The following ASAP2 variants were observed in gnomAD, a reference collection of about 807,000 sequenced individuals.
The protein encoded by ASAP2 is arf-GAP with SH3 domain, ANK repeat and PH domain-containing protein 2.
ASAP2 carries 45 observed loss-of-function variants against 131.4 expected under a neutral mutation model. That is an observed-to-expected ratio of 0.34 (90% CI 0.27 to 0.44). ASAP2 has a LOEUF of 0.44. Ranked by LOEUF, ASAP2 falls within the 20% of genes least tolerant of loss-of-function variation. The probability of loss-of-function intolerance (pLI) is 1.00; values close to 1 mark genes in which losing one functional copy is unlikely to be tolerated. For missense variants in ASAP2, 1,011 were observed against 1,297.0 expected, an observed-to-expected ratio of 0.78 and a Z score of 3.39; for synonymous variants, 510 against 503.0, an observed-to-expected ratio of 1.01 and a Z score of -0.19.
At chr2:9,224,941 G>GT (rs1662659971) in intron 1 of ASAP2, among the ~76,000 whole-genome samples, 1 of 152,178 alleles carries the variant, frequency 6.6e-6, no homozygotes, top group Non-Finnish European at 1.5e-5. Flanking sequence ...CTTCTGTAGA[G>GT]TGGGAGTCTC....
chr2:9,368,385 T>G, intron 15 of ASAP2, 40 bp from the exon 16 acceptor site: 1 of 1,544,348 alleles, frequency 6.5e-7, no homozygotes, highest in Non-Finnish European at 9.0e-7. Flanking sequence ...TAGAATGTAT[T>G]AATAATTGAG....
chr2:9,249,998 A>G (rs1234975541), intron 1 of ASAP2, among the ~76,000 whole-genome samples: 2 of 152,240 alleles, frequency 1.3e-5, no homozygotes, highest in Non-Finnish European at 2.9e-5. Context: ...AAATCTGGGT[A>G]TACAACTCTT....
At position 9,400,724 on chromosome 2, in the gene ASAP2, T is replaced by G; in HGVS notation, c.2735-18T>G. On this transcript the variant is annotated intron_variant, in intron 25 of 27. Coordinates refer to ENST00000281419, the MANE Select transcript of ASAP2 (RefSeq NM_003887.3). Reference sequence around the variant, plus strand: ...TGATTGATGGGATGTCTTAAGCTGCTTCATTTTTGCCCTACAGTGGATCTC... The same window carrying G: ...TGATTGATGGGATGTCTTAAGCTGCGTCATTTTTGCCCTACAGTGGATCTC... 6.2e-7 allele frequency: 1 copy of G among 1,603,754 alleles called. No individual in the cohort carries two copies. The highest frequency in any genetic ancestry group is 8.5e-7 in the Non-Finnish European group (1 of 1,170,932).
At chr2:9,380,659 G>T in intron 19 of ASAP2, 82 bp from the exon 20 acceptor site, 6 of 1,324,716 alleles carry the variant, frequency 4.5e-6, no homozygotes, top group Non-Finnish European at 5.5e-6. Context: ...CTGCCTTTCT[G>T]TTCCTTTTAA....
At chr2:9,399,989 T>A in intron 24 of ASAP2, 34 bp from the exon 25 acceptor site, 2 of 1,608,796 alleles carry the variant, frequency 1.2e-6, no homozygotes, top group African/African-American at 2.7e-5. Flanking sequence ...TGCCCTCCGG[T>A]AGCAGTAAAT....
chr2:9,317,056 TCCA>T (rs890540929), intron 3 of ASAP2, among the ~76,000 whole-genome samples: 8 of 139,770 alleles, frequency 5.7e-5, no homozygotes, highest in African/African-American at 2.2e-4. Context: ...ACATCCACAC[TCCA>T]CACAACCACA....
At chr2:9,380,885 G>T (rs1674788507) in intron 20 of ASAP2, 77 bp downstream of exon 20, 3 of 1,459,910 alleles carry the variant, frequency 2.1e-6, no homozygotes, top group South Asian at 2.4e-5. Context: ...CTTGGGCAGG[G>T]TTTGCTGTGA....
rs548643524 is a variant in ASAP2, at chr2:9,247,395, G to A, written c.127-31922G>A. 3.3e-5 allele frequency among the ~76,000 whole-genome samples: 5 copies of A among 152,290 alleles called. No homozygotes were observed. In the South Asian group the frequency reaches 6.2e-4, roughly 19 times the overall value. On this transcript the variant is annotated intron_variant, in intron 1 of 27. Transcript: ENST00000281419. ...TCCCCGGTCCTCATTTGCACGAGGC[G>A]AATCAGTTTAGCAATTTGCCTGCCT... is the stretch of plus-strand genomic sequence containing the variant.
intron 3 of ASAP2, among the ~76,000 whole-genome samples, chr2:9,301,114 A>G (rs1318240669): frequency 1.3e-5 from 2 of 152,192 alleles, no homozygotes; most frequent in African/African-American, 4.8e-5. Flanking sequence ...CATCTGGCTT[A>G]TCTCATATCT....
intron 3 of ASAP2, among the ~76,000 whole-genome samples, chr2:9,314,880 G>A (rs557132675): frequency 7.6e-5 from 11 of 144,494 alleles, no homozygotes; most frequent in Admixed American, 1.4e-4. Flanking sequence ...GCGGTGAGCC[G>A]AGATCACGCC....
At position 9,207,514 on chromosome 2, in the gene ASAP2, G is replaced by C. The variant is rs1336567490; in HGVS notation, c.126+284G>C. 6.6e-6 allele frequency among the ~76,000 whole-genome samples: 1 copy of C among 151,752 alleles called. No individual in the cohort carries two copies. The highest frequency in any genetic ancestry group is 1.5e-5 in the Non-Finnish European group (1 of 67,860). On this transcript the variant is annotated intron_variant, in intron 1 of 27. Coordinates refer to ENST00000281419, the MANE Select transcript of ASAP2 (RefSeq NM_003887.3). This position sits in a 1 kb window ranked among gnomAD's most constrained non-coding sequence, Gnocchi z 4.1. The stretch of plus-strand genomic sequence containing the variant: ...CCCGCAGCGCGGCCAACTTTGTCCA[G>C]AGTCGGGGTCCGCGGCGAGCGGGGG...
chr2:9,312,192 C>G (rs2148464997), intron 3 of ASAP2, among the ~76,000 whole-genome samples: 1 of 152,346 alleles, frequency 6.6e-6, no homozygotes, highest in African/African-American at 2.4e-5. Context: ...CCATCTTCCC[C>G]TTTGCTCCAG....
rs552515506 is a variant in ASAP2 at position 9,317,101 on chromosome 2, ACT to A, written c.346-1421_346-1420del. On this transcript the variant is annotated intron_variant, in intron 3 of 27. Coordinates refer to ENST00000281419, the MANE Select transcript of ASAP2 (RefSeq NM_003887.3). ...CACATCCACACACACACTCAACCACACTCATACCCCACGCAATCACAACCACA... is the reference window on the plus strand; with the variant it reads ...CACATCCACACACACACTCAACCACACATACCCCACGCAATCACAACCACA... Among the ~76,000 whole-genome samples the A allele has an allele frequency of 4.9e-3, 426 of 86,506 alleles. 5 individuals carry two copies. Among genetic ancestry groups the A allele is most frequent in the African/African-American group, 0.016 (400 of 25,264 alleles). 56.8% of individuals were successfully genotyped at this position (86,506 alleles called of 152,430 possible).
chr2:9,251,266 G>A (rs1664686946), intron 1 of ASAP2, among the ~76,000 whole-genome samples: 1 of 152,216 alleles, frequency 6.6e-6, no homozygotes. Flanking sequence ...GTCTTACAGA[G>A]AAGGGGACTG....
intron 1 of ASAP2, among the ~76,000 whole-genome samples, chr2:9,241,960 GAC>G (rs1383850161): frequency 1.3e-5 from 2 of 151,422 alleles, no homozygotes; most frequent in African/African-American, 4.8e-5. Flanking sequence ...TTATCAGGCG[GAC>G]ACATGTGAAT....
chr2:9,254,248 TATATATACACGTGTGTGTGTATGC>T (rs1402374247), intron 1 of ASAP2, among the ~76,000 whole-genome samples: 3 of 88,896 alleles, frequency 3.4e-5, no homozygotes, highest in Non-Finnish European at 7.0e-5. Flanking sequence ...TATATATATA[TATATATACACGTGTGTGTGTATGC>T]ATATATATAG....
In ASAP2 at chr2:9,388,337, A is replaced by G; in HGVS notation, c.2174A>G (p.Gln725Arg). Reference sequence around the variant, plus strand: ...GAAGACCGGCCCATCAGCTTCTACCAGCTGGGCTCCAACCAGCTTCAGTCT... The same window carrying G: ...GAAGACCGGCCCATCAGCTTCTACCGGCTGGGCTCCAACCAGCTTCAGTCT... ...RREDRPISFY[Q>R]LGSNQLQSNA... Residue 725 changes from glutamine to arginine, a missense_variant, in exon 22 of 28, where the codon CAG (glutamine) becomes CGG (arginine). Coordinates refer to ENST00000281419, the MANE Select transcript of ASAP2 (RefSeq NM_003887.3). 1 of 1,614,094 alleles carries G rather than the reference A, an allele frequency of 6.2e-7. No homozygotes were observed. Among genetic ancestry groups the G allele is most frequent in the Non-Finnish European group, 8.5e-7 (1 of 1,180,004 alleles).
chr2:9,280,567 G>A (rs914736428), intron 2 of ASAP2, among the ~76,000 whole-genome samples: 2 of 152,260 alleles, frequency 1.3e-5, no homozygotes, highest in African/African-American at 2.4e-5. Context: ...AGTACAAAAC[G>A]CTGCTGACCA....
chr2:9,394,586 G>A (rs1180803989), intron 24 of ASAP2, among the ~76,000 whole-genome samples: 1 of 152,110 alleles, frequency 6.6e-6, no homozygotes, highest in African/African-American at 2.4e-5. Flanking sequence ...CAGGCCCTCT[G>A]AGCTGTTAGA....
Sources: allele counts gnomAD v4.1 joint callset (sites outside exome capture counted in the v4.1 genomes callset), GRCh38; gene constraint gnomAD v4.1.1; non-coding constraint Gnocchi (gnomAD v3.1); transcripts MANE v1.5; gene names NCBI Gene and HGNC (gene_info 2026-07-23, HGNC 2026-07-21).